CEP164: variants seen among roughly 807,000 people sequenced by gnomAD.
CEP164 encodes the protein centrosomal protein 164.
A neutral mutation model predicts 182.7 loss-of-function variants in CEP164; 162 were observed. The observed-to-expected ratio is 0.89, with a 90% CI of 0.78 to 1.01. The LOEUF (loss-of-function observed/expected upper bound fraction) is 1.01, where lower values mean the gene tolerates loss of function less well. CEP164 is among the 50% of genes least tolerant of loss of function. CEP164 has a pLI of 0.00. For synonymous variants in CEP164, 661 were observed against 690.0 expected (o/e 0.96, Z 0.66); for missense variants, 1,735 against 1,790.4 (o/e 0.97, Z 0.56).
chr11:117,360,936 C>CTTT (rs1247919224), intron 5 of CEP164, among the ~76,000 whole-genome samples: 12 of 130,956 alleles, frequency 9.2e-5, no homozygotes, highest in South Asian at 2.4e-4. Context: ...TCTTATATGG[C>CTTT]TTTTTTTTTT....
rs1249398531 is a variant in CEP164, at chr11:117,396,155, AG to A, written c.3193del (p.Asp1065ThrfsTer2). ...CATTTTGAGCCAGATCTCCATATTGAGGACCTGAGGAAATCCCTTGGAACAG... is the reference window on the plus strand; with the variant it reads ...CATTTTGAGCCAGATCTCCATATTGAGACCTGAGGAAATCCCTTGGAACAG... ...SPHFEPDLHIEDLRKSLGTNQ... is the reference protein window; with the variant it reads ...SPHFEPDLHIXDLRKSLGTNQ... On this transcript the variant is annotated frameshift_variant, in exon 25 of 33. Coordinates refer to ENST00000278935, the MANE Select transcript of CEP164 (RefSeq NM_014956.5). LOFTEE classifies it high-confidence loss of function. The A allele has an allele frequency of 5.9e-6, 9 of 1,532,528 alleles. No individual in the cohort carries two copies. The highest frequency in any genetic ancestry group is 6.2e-6 in the Non-Finnish European group (7 of 1,128,888). The allele number at this position is 1,532,528 out of a possible 1,614,324, so 94.9% of individuals were successfully genotyped here.
intron 11 of CEP164, among the ~76,000 whole-genome samples, chr11:117,379,379 C>G (rs1362772252): frequency 6.6e-6 from 1 of 152,150 alleles, no homozygotes; most frequent in South Asian, 2.1e-4. Context: ...GGGCTGGGGA[C>G]CCTACTGGGA....
intron 8 of CEP164, among the ~76,000 whole-genome samples, chr11:117,369,004 T>G (rs975836483): frequency 1.4e-4 from 21 of 152,228 alleles, no homozygotes; most frequent in African/African-American, 5.1e-4. Flanking sequence ...CTGTGTCTAG[T>G]GGCCTCTTTG....
intron 1 of CEP164, among the ~76,000 whole-genome samples, chr11:117,332,699 A>G (rs542316320): frequency 6.6e-6 from 1 of 152,340 alleles, no homozygotes; most frequent in South Asian, 2.1e-4. Context: ...TTGGCTGGGA[A>G]GGCTTCCTGG....
chr11:117,355,655 C>T (rs1171091060), intron 5 of CEP164: 1 of 1,190,674 alleles, frequency 8.4e-7, no homozygotes, highest in Middle Eastern at 3.8e-4. Flanking sequence ...CCTGAGCTGG[C>T]AGGGAGTTCC....
intron 4 of CEP164, among the ~76,000 whole-genome samples, chr11:117,346,822 T>A (rs2038966683): frequency 1.3e-5 from 2 of 152,040 alleles, no homozygotes; most frequent in Non-Finnish European, 2.9e-5. Flanking sequence ...CGAGACTGCA[T>A]CACTGCTCTT....
intron 27 of CEP164, among the ~76,000 whole-genome samples, chr11:117,403,096 C>T (rs540765932): frequency 4.1e-4 from 63 of 152,314 alleles, no homozygotes; most frequent in African/African-American, 1.3e-3. Context: ...GAATACAGCA[C>T]ACTGGTGGGT....
upstream of CEP164, among the ~76,000 whole-genome samples, chr11:117,324,440 C>CA (rs376068330): frequency 0.074 from 9,314 of 125,110 alleles, 326 homozygotes; most frequent in Non-Finnish European, 0.082. Context: ...AACTCCCTCT[C>CA]AAAAAAAAAA....
upstream of CEP164, chr11:117,323,807 C>A (rs983733025): frequency 2.7e-6 from 1 of 364,406 alleles, no homozygotes; most frequent in African/African-American, 2.1e-5. Flanking sequence ...AAGGTGGTAT[C>A]TCATTGTGGT....
At chr11:117,370,167 T>G (rs2042059299) in intron 8 of CEP164, among the ~76,000 whole-genome samples, 1 of 152,208 alleles carries the variant, frequency 6.6e-6, no homozygotes, top group Non-Finnish European at 1.5e-5. Flanking sequence ...TTAAATCTCT[T>G]GTACATCTAA....
intron 8 of CEP164, among the ~76,000 whole-genome samples, chr11:117,364,514 G>A (rs1211260934): frequency 6.6e-6 from 1 of 151,630 alleles, no homozygotes; most frequent in African/African-American, 2.4e-5. Flanking sequence ...CCCCTGATTT[G>A]GTACTTGAGA....
chr11:117,403,814 T>G (rs545689377), intron 27 of CEP164, among the ~76,000 whole-genome samples: 13 of 152,140 alleles, frequency 8.5e-5, no homozygotes, highest in Non-Finnish European at 1.9e-4. Context: ...ATTTGGTCTT[T>G]TCACATAGTC....
chr11:117,394,889 T>G lies in CEP164; in HGVS notation c.2761-31T>G, dbSNP rs2045235113. On this transcript the variant is annotated intron_variant, in intron 21 of 32. Transcript: ENST00000278935. The surrounding 1 kb of genome is among the most constrained non-coding windows in gnomAD (Gnocchi z 4.0). The stretch of plus-strand genomic sequence containing the variant: ...CCCTCAGCTAATGCCTTACACTCTT[T>G]CTATGCTTATGTGTTTCCCTTTCTG... The G allele has an allele frequency of 6.2e-7, 1 of 1,608,922 alleles. No homozygotes were observed. Among genetic ancestry groups the G allele is most frequent in the Non-Finnish European group, 8.5e-7 (1 of 1,175,624 alleles).
chr11:117,349,211 C>T (rs1385028376), intron 4 of CEP164, among the ~76,000 whole-genome samples: 3 of 151,938 alleles, frequency 2.0e-5, no homozygotes, highest in African/African-American at 4.8e-5. Flanking sequence ...TTAGTAGAGA[C>T]GAGGTTTCAC....
At chr11:117,382,512 A>T (rs2043439405) in intron 13 of CEP164, among the ~76,000 whole-genome samples, 5 of 152,220 alleles carry the variant, frequency 3.3e-5, no homozygotes, top group Admixed American at 2.6e-4. Flanking sequence ...CCTGAGCAGC[A>T]TCGATGTGCA....
intron 4 of CEP164, among the ~76,000 whole-genome samples, chr11:117,349,155 T>C (rs1421552709): frequency 1.3e-5 from 2 of 152,086 alleles, no homozygotes; most frequent in Admixed American, 6.6e-5. Flanking sequence ...CCCGAGTAGC[T>C]GGGATTACAG....
chr11:117,380,704 A>G lies in CEP164; in HGVS notation c.1408A>G (p.Arg470Gly). ...CAAGCAGTCCAAAGGCCTGGAGGAGAGGTACCATAGGTGGGAGGCTATCCC... is the reference window on the plus strand; with the variant it reads ...CAAGCAGTCCAAAGGCCTGGAGGAGGGGTACCATAGGTGGGAGGCTATCCC... ...QSKQSKGLEE[R>G]LSPPLPHEER... is the part of the protein sequence containing the mutation. Residue 470 changes from arginine (R) to glycine (G), a missense_variant and splice_region_variant, in exon 12 of 33, where the codon AGG becomes GGG. Physicochemically the swap from Arg to Gly is moderately radical, Grantham distance 125 (BLOSUM62 -2). Coordinates refer to ENST00000278935, the MANE Select transcript of CEP164 (RefSeq NM_014956.5). 1 of 1,599,540 alleles carries G rather than the reference A, an allele frequency of 6.3e-7. No homozygotes were observed.
At chr11:117,333,660 C>G (rs562127031) in intron 1 of CEP164, among the ~76,000 whole-genome samples, 1 of 152,262 alleles carries the variant, frequency 6.6e-6, no homozygotes, top group African/African-American at 2.4e-5. Context: ...TCCCCTGTAG[C>G]TGGGACTACA....
chr11:117,357,089 A>G (rs1315000380), intron 5 of CEP164, among the ~76,000 whole-genome samples: 3 of 152,104 alleles, frequency 2.0e-5, no homozygotes, highest in Non-Finnish European at 4.4e-5. Context: ...GAAAGTTAAT[A>G]TTATTTTTTA....
Sources: gnomAD v4.1 joint callset for allele counts (sites outside exome capture counted in the v4.1 genomes callset) on GRCh38, gnomAD v4.1.1 for gene constraint, Gnocchi (gnomAD v3.1) non-coding constraint, MANE v1.5 for transcripts, NCBI Gene and HGNC (gene_info 2026-07-23, HGNC 2026-07-21) for gene names.